Variants in IMPA2 observed in about 807,000 individuals in gnomAD.
IMPA2 encodes the protein inositol monophosphatase 2, also known as IMP 2.
In IMPA2, 32 loss-of-function variants were observed where a neutral mutation model predicts 35.1. The ratio of observed to expected loss-of-function variants is 0.91; its 90% confidence interval spans 0.69 to 1.23. The LOEUF (loss-of-function observed/expected upper bound fraction) is 1.23, where lower values mean the gene tolerates loss of function less well. Ranked by LOEUF, IMPA2 falls within the 50% of genes most tolerant of loss-of-function variation. The pLI, the probability that IMPA2 is intolerant of heterozygous loss-of-function variation, is 0.00. For missense variants in IMPA2, 334 were observed against 387.6 expected (o/e 0.86, Z 1.16); for synonymous variants, 135 against 160.6 (o/e 0.84, Z 1.20).
At chr18:11,983,733 C>T (rs965171067) in intron 1 of IMPA2, among the ~76,000 whole-genome samples, 4 of 152,234 alleles carry the variant, frequency 2.6e-5, no homozygotes, top group African/African-American at 9.6e-5. Context: ...TATGCTGATG[C>T]TTCCTGCCTG....
At chr18:11,995,287 A>T (rs3859297) in intron 1 of IMPA2, among the ~76,000 whole-genome samples, 21 of 152,094 alleles carry the variant, frequency 1.4e-4, no homozygotes, top group Non-Finnish European at 1.9e-4. Flanking sequence ...GCCTGTGGTG[A>T]GGGGGAATGG....
intron 1 of IMPA2, among the ~76,000 whole-genome samples, chr18:11,982,503 T>G (rs572127015): frequency 7.9e-5 from 12 of 152,284 alleles, no homozygotes; most frequent in African/African-American, 2.9e-4. Flanking sequence ...TCTCTTAGGA[T>G]GTGATTGTGG....
At chr18:12,000,615 ATTT>A (rs367586917) in intron 2 of IMPA2, among the ~76,000 whole-genome samples, 1 of 118,192 alleles carries the variant, frequency 8.5e-6, no homozygotes. Flanking sequence ...AGTGTTTGTG[ATTT>A]TTTTTTTTTT....
chr18:11,985,364 C>G (rs1906637267), intron 1 of IMPA2, among the ~76,000 whole-genome samples: 1 of 152,106 alleles, frequency 6.6e-6, no homozygotes, highest in Non-Finnish European at 1.5e-5. Context: ...CTGTTTGCAT[C>G]TTTTGAATGA....
chr18:11,983,381 C>T (rs1906561832), intron 1 of IMPA2, among the ~76,000 whole-genome samples: 2 of 152,176 alleles, frequency 1.3e-5, no homozygotes, highest in Non-Finnish European at 2.9e-5. Context: ...AACTTTTCTT[C>T]CTTGAGGCAG....
At position 12,019,860 on chromosome 18, in the gene IMPA2, G is replaced by A. The variant is rs550365421; in HGVS notation, c.490+5487G>A. On this transcript the variant is annotated intron_variant, in intron 5 of 7. Transcript: ENST00000269159. Reference sequence around the variant, plus strand: ...TTGTCAGGCTTACAGTGTTAGATACGATTTTTCAAAAAAATAAAAAAATAT... The same window carrying A: ...TTGTCAGGCTTACAGTGTTAGATACAATTTTTCAAAAAAATAAAAAAATAT... Among the ~76,000 whole-genome samples, 5 of 151,878 alleles carry A rather than the reference G, an allele frequency of 3.3e-5. No homozygotes were observed. The South Asian group carries it at 8.3e-4, about 25-fold the overall frequency.
intron 5 of IMPA2, among the ~76,000 whole-genome samples, chr18:12,027,567 AT>A (rs138876745): frequency 1.1e-5 from 1 of 90,978 alleles, no homozygotes. Context: ...AATGATGGTG[AT>A]TTTTTTTTTT....
chr18:11,995,505 A>C (rs1333818057), intron 1 of IMPA2, among the ~76,000 whole-genome samples: 3 of 152,242 alleles, frequency 2.0e-5, no homozygotes, highest in Non-Finnish European at 4.4e-5. Flanking sequence ...GTTTGGGGTC[A>C]AATGGTCTCT....
At chr18:12,022,246 A>G (rs1907749538) in intron 5 of IMPA2, among the ~76,000 whole-genome samples, 2 of 151,988 alleles carry the variant, frequency 1.3e-5, no homozygotes, top group Admixed American at 6.6e-5. Flanking sequence ...AAAGATATAC[A>G]TTAGGCCGGG....
chr18:12,007,600 C>A (rs555601429), intron 2 of IMPA2, among the ~76,000 whole-genome samples: 1 of 146,800 alleles, frequency 6.8e-6, no homozygotes, highest in African/African-American at 2.6e-5. Flanking sequence ...TTCTTTCTTT[C>A]TTTCTCTTTC....
intron 1 of IMPA2, among the ~76,000 whole-genome samples, chr18:11,997,127 A>G (rs1906982307): frequency 6.6e-6 from 1 of 152,198 alleles, no homozygotes; most frequent in African/African-American, 2.4e-5. Flanking sequence ...GCCATACATG[A>G]GACAAGCTTT....
At chr18:11,981,831 T>C in intron 1 of IMPA2, 66 bp downstream of exon 1, 1 of 1,070,898 alleles carries the variant, frequency 9.3e-7, no homozygotes, top group Non-Finnish European at 1.2e-6. Flanking sequence ...GGGAGCCGCC[T>C]GGAGTGGCGG....
chr18:12,000,059 T>C (rs1907074088), intron 2 of IMPA2, among the ~76,000 whole-genome samples: 2 of 152,260 alleles, frequency 1.3e-5, no homozygotes, highest in Non-Finnish European at 2.9e-5. Flanking sequence ...TGTAGGGTAT[T>C]ATAACTGTCA....
chr18:12,020,394 TG>T (rs1425855057), intron 5 of IMPA2, among the ~76,000 whole-genome samples: 3 of 152,190 alleles, frequency 2.0e-5, no homozygotes, highest in East Asian at 3.8e-4. Flanking sequence ...TGTTTCTCTA[TG>T]TTGGTCAGGC....
intron 5 of IMPA2, among the ~76,000 whole-genome samples, chr18:12,019,314 G>A (rs891077654): frequency 6.6e-6 from 1 of 151,952 alleles, no homozygotes; most frequent in African/African-American, 2.4e-5. Context: ...GGGTGCAATG[G>A]TGTGATCCTG....
rs879685962 is a variant in IMPA2 at position 12,007,590 on chromosome 18, T to TCTTTCTTTC, written c.231-2293_231-2292insCTTTCTTTC. ...CTTTCCTTCTTTTCTTTCTTTTCTT[T>TCTTTCTTTC]TCTTTCTTTCTTTCTCTTTCTTTCT... On this transcript the variant is annotated intron_variant, in intron 2 of 7. Transcript: ENST00000269159. Among the ~76,000 whole-genome samples, 747 of 132,304 alleles carry TCTTTCTTTC rather than the reference T, an allele frequency of 5.6e-3. 6 individuals carry two copies. Among genetic ancestry groups the TCTTTCTTTC allele is most frequent in the South Asian group, 9.2e-3 (40 of 4,354 alleles). The allele number at this position is 132,304 out of a possible 152,430, so 86.8% of individuals were successfully genotyped here.
In IMPA2 at chr18:12,009,919, G is replaced by A. The variant is rs756649022; in HGVS notation, c.267G>A (p.Lys89=). ...AAGAGGCCGCGGCTTCTGGGGCCAA[G>A]TGTGTGCTCACCCACAGCCCGACGT... ...IAEEAAASGA[K]CVLTHSPTWI... Residue 89 remains lysine (K), a synonymous_variant, in exon 3 of 8, where the codon AAG becomes AAA. Coordinates refer to ENST00000269159, the MANE Select transcript of IMPA2 (RefSeq NM_014214.3). 53 of 1,614,078 alleles carry A rather than the reference G, an allele frequency of 3.3e-5. No individual in the cohort carries two copies. Among genetic ancestry groups the A allele is most frequent in the Non-Finnish European group, 4.2e-5 (50 of 1,180,052 alleles).
At chr18:12,015,099 C>T (rs1173580098) in intron 5 of IMPA2, among the ~76,000 whole-genome samples, 1 of 152,160 alleles carries the variant, frequency 6.6e-6, no homozygotes, top group African/African-American at 2.4e-5. Flanking sequence ...ATGAGAGAAG[C>T]CTCAGACTAG....
intron 6 of IMPA2, chr18:12,028,631 C>T (rs1024640498): frequency 1.0e-4 from 60 of 584,404 alleles, no homozygotes; most frequent in Non-Finnish European, 1.7e-4. Flanking sequence ...CAGCTGGGAG[C>T]TGTCATGGCA....
Sources: allele counts gnomAD v4.1 joint callset (sites outside exome capture counted in the v4.1 genomes callset), GRCh38; gene constraint gnomAD v4.1.1; transcripts MANE v1.5; gene names NCBI Gene and HGNC (gene_info 2026-07-23, HGNC 2026-07-21).